The following SGCZ variants were observed in gnomAD, a reference collection of about 807,000 sequenced individuals.
The protein encoded by SGCZ is sarcoglycan zeta, also known as zeta-sarcoglycan.
A neutral mutation model predicts 41.3 loss-of-function variants in SGCZ; 40 were observed. That is an observed-to-expected ratio of 0.97 (90% CI 0.75 to 1.26). The LOEUF is 1.26. Among genes scored for constraint, SGCZ ranks in the 50% most tolerant of loss-of-function variants. The pLI is 0.00. For synonymous variants in SGCZ, 206 were observed against 137.5 expected (o/e 1.50, Z -3.49); for missense variants, 552 against 369.8 (o/e 1.49, Z -4.04).
intron 4 of SGCZ, among the ~76,000 whole-genome samples, chr8:14,169,991 C>CAGTA (rs1203234641): frequency 1.3e-5 from 2 of 151,752 alleles, no homozygotes; most frequent in African/African-American, 4.8e-5. Context: ...TTACTTGAAT[C>CAGTA]AGTAAGTTAA....
intron 2 of SGCZ, among the ~76,000 whole-genome samples, chr8:14,551,577 TATAA>T (rs1275068562): frequency 1.1e-4 from 4 of 36,762 alleles, no homozygotes; most frequent in South Asian, 6.0e-4. Flanking sequence ...ATAATATATA[TATAA>T]TATATATAAT....
chr8:14,875,513 G>C (rs1804322143), intron 1 of SGCZ, among the ~76,000 whole-genome samples: 1 of 152,242 alleles, frequency 6.6e-6, no homozygotes, highest in Admixed American at 6.5e-5. Context: ...GGAGCAGATA[G>C]AAGTCCCCAC....
intron 5 of SGCZ, among the ~76,000 whole-genome samples, chr8:14,119,263 G>C (rs114194199): frequency 6.6e-6 from 1 of 151,998 alleles, no homozygotes; most frequent in Non-Finnish European, 1.5e-5. Flanking sequence ...AATTCTCCTC[G>C]AAGAAGTCCT....
intron 2 of SGCZ, among the ~76,000 whole-genome samples, chr8:14,550,577 T>TG (rs1234635821): frequency 6.6e-6 from 1 of 151,976 alleles, no homozygotes; most frequent in East Asian, 1.9e-4. Context: ...CAGGATCCGC[T>TG]GGGAATTATG....
chr8:14,858,881 G>C (rs1295680466), intron 1 of SGCZ, among the ~76,000 whole-genome samples: 3 of 151,962 alleles, frequency 2.0e-5, no homozygotes, highest in Non-Finnish European at 2.9e-5. Context: ...ATAGTGGTAG[G>C]TGCAAATTTA....
chr8:14,934,443 A>G (rs1390097391), intron 1 of SGCZ, among the ~76,000 whole-genome samples: 2 of 152,006 alleles, frequency 1.3e-5, no homozygotes, highest in Admixed American at 6.5e-5. Flanking sequence ...TCTAGTAATG[A>G]AAAAGTAGAT....
At chr8:14,286,896 C>G (rs17118994) in intron 3 of SGCZ, among the ~76,000 whole-genome samples, 6,129 of 151,980 alleles carry the variant, frequency 0.04, 406 homozygotes, top group African/African-American at 0.14. Context: ...AAAGCTATCA[C>G]TAAAAATTTC....
At chr8:14,698,561 C>T (rs1018761123) in intron 1 of SGCZ, among the ~76,000 whole-genome samples, 2 of 151,786 alleles carry the variant, frequency 1.3e-5, no homozygotes, top group African/African-American at 4.8e-5. Context: ...AAATGCTTTT[C>T]CAGAAAAATT....
intron 1 of SGCZ, among the ~76,000 whole-genome samples, chr8:14,682,006 G>T (rs527381219): frequency 6.6e-6 from 1 of 152,186 alleles, no homozygotes; most frequent in East Asian, 1.9e-4. Flanking sequence ...GAACGAATTT[G>T]AAGCACAGAG....
chr8:15,126,750 C>T (rs1208106432), intron 1 of SGCZ, among the ~76,000 whole-genome samples: 3 of 151,986 alleles, frequency 2.0e-5, no homozygotes, highest in Non-Finnish European at 4.4e-5. Flanking sequence ...AAGTGTGGCT[C>T]ATTTGAGCAA....
chr8:14,594,123 C>T (rs1460618693), intron 1 of SGCZ, among the ~76,000 whole-genome samples: 1 of 150,882 alleles, frequency 6.6e-6, no homozygotes, highest in African/African-American at 2.4e-5. Context: ...TACAGTGAGT[C>T]GAGATTAGGC....
intron 1 of SGCZ, among the ~76,000 whole-genome samples, chr8:14,651,183 G>T (rs1807385370): frequency 6.6e-6 from 1 of 151,948 alleles, no homozygotes; most frequent in Admixed American, 6.6e-5. Flanking sequence ...TATACACTAT[G>T]AGATAAACAA....
chr8:14,789,314 C>T lies in SGCZ; in HGVS notation c.40-234388G>A, dbSNP rs182390478. On this transcript the variant is annotated intron_variant, in intron 1 of 7. Coordinates refer to ENST00000382080, the MANE Select transcript of SGCZ (RefSeq NM_139167.4). ...GTAGAATGTCTGCCTCATTCAACCTCATCTGGGAATATGCACATCAGATAA... is the reference window on the plus strand; with the variant it reads ...GTAGAATGTCTGCCTCATTCAACCTTATCTGGGAATATGCACATCAGATAA... Among the ~76,000 whole-genome samples the T allele has an allele frequency of 3.9e-5, 6 of 152,288 alleles. No individual in the cohort carries two copies. The East Asian group carries it at 7.7e-4, about 20-fold the overall frequency.
intron 1 of SGCZ, among the ~76,000 whole-genome samples, chr8:14,683,375 T>A (rs549224216): frequency 5.3e-5 from 8 of 151,834 alleles, no homozygotes; most frequent in African/African-American, 1.7e-4. Flanking sequence ...ACAAAAACAT[T>A]CAGAAGCAAT....
intron 2 of SGCZ, among the ~76,000 whole-genome samples, chr8:14,488,578 A>C (rs1801748742): frequency 6.6e-6 from 1 of 152,082 alleles, no homozygotes; most frequent in Admixed American, 6.6e-5. Context: ...GAGCTAACCC[A>C]TTGAAATGTA....
intron 1 of SGCZ, among the ~76,000 whole-genome samples, chr8:14,850,554 T>C (rs1397695663): frequency 6.6e-6 from 1 of 152,174 alleles, no homozygotes; most frequent in African/African-American, 2.4e-5. Context: ...AAGGTTATTA[T>C]ATACAAGACA....
intron 1 of SGCZ, among the ~76,000 whole-genome samples, chr8:14,653,669 G>A (rs969043682): frequency 2.0e-5 from 3 of 151,872 alleles, no homozygotes; most frequent in Admixed American, 6.6e-5. Context: ...TAGCAGCTTC[G>A]CTTTCTCATT....
At chr8:14,410,207 G>A (rs888114226) in intron 2 of SGCZ, among the ~76,000 whole-genome samples, 27 of 151,956 alleles carry the variant, frequency 1.8e-4, no homozygotes, top group African/African-American at 3.1e-4. Context: ...CATTTATCCC[G>A]AAACCATTTC....
At chr8:14,954,944 T>A (rs1472331726) in intron 1 of SGCZ, among the ~76,000 whole-genome samples, 1 of 152,200 alleles carries the variant, frequency 6.6e-6, no homozygotes, top group Non-Finnish European at 1.5e-5. Flanking sequence ...AGTTATTGCT[T>A]TCCCAGGTGC....
Sources: gnomAD v4.1 joint callset for allele counts (sites outside exome capture counted in the v4.1 genomes callset) on GRCh38, gnomAD v4.1.1 for gene constraint, MANE v1.5 for transcripts, NCBI Gene and HGNC (gene_info 2026-07-23, HGNC 2026-07-21) for gene names.